Variants in DOCK9 observed in about 807,000 individuals in gnomAD.
The protein encoded by DOCK9 is dedicator of cytokinesis protein 9.
DOCK9 carries 89 observed loss-of-function variants against 263.3 expected under a neutral mutation model. That is an observed-to-expected ratio of 0.34 (90% CI 0.28 to 0.40). The LOEUF (loss-of-function observed/expected upper bound fraction) is 0.40. Among genes scored for constraint, DOCK9 ranks in the 10% least tolerant of loss-of-function variants. The pLI is 1.00. For missense variants in DOCK9, 2,140 were observed against 2,603.4 expected (o/e 0.82, Z 3.87); for synonymous variants, 976 against 973.1 (o/e 1.00, Z -0.06).
Position 98,902,964 on chromosome 13 carries a change from A to G in DOCK9, c.1176+8T>C. Reference sequence around the variant, plus strand: ...TTTTTAATGTTTATTTTTAAAATGAAAAATTACATTTGTAGTGGGTCCTTC... The same window carrying G: ...TTTTTAATGTTTATTTTTAAAATGAGAAATTACATTTGTAGTGGGTCCTTC... On this transcript the variant is annotated splice_region_variant and intron_variant, in intron 11 of 52. Transcript: ENST00000682017. The G allele has an allele frequency of 6.7e-7, 1 of 1,500,068 alleles. No homozygotes were observed. The highest frequency in any genetic ancestry group is 8.8e-7 in the Non-Finnish European group (1 of 1,130,172). 92.9% of individuals were successfully genotyped at this position (1,500,068 alleles called of 1,614,324 possible).
At chr13:98,876,553 A>C (rs1308738348) in intron 27 of DOCK9, among the ~76,000 whole-genome samples, 1 of 152,246 alleles carries the variant, frequency 6.6e-6, no homozygotes, top group Non-Finnish European at 1.5e-5. Context: ...ATGAGATCAA[A>C]GTTTTGGAAA....
intron 1 of DOCK9, among the ~76,000 whole-genome samples, chr13:99,063,304 C>T (rs2142308087): frequency 6.6e-6 from 1 of 151,656 alleles, no homozygotes; most frequent in South Asian, 2.1e-4. Context: ...GGTGACAGCC[C>T]TACGGCCCTA....
chr13:98,969,392 C>T (rs372317656), intron 1 of DOCK9, among the ~76,000 whole-genome samples: 1 of 151,948 alleles, frequency 6.6e-6, no homozygotes, highest in African/African-American at 2.4e-5. Context: ...TCCTGCAGGC[C>T]CTTTCGCAAC....
intron 34 of DOCK9, among the ~76,000 whole-genome samples, chr13:98,853,954 C>A (rs2093636871): frequency 6.6e-6 from 1 of 152,204 alleles, no homozygotes; most frequent in African/African-American, 2.4e-5. Flanking sequence ...ACAGCAAGTG[C>A]CTGTGGTGCT....
At chr13:98,936,435 C>T (rs1216120907) in intron 2 of DOCK9, among the ~76,000 whole-genome samples, 1 of 151,968 alleles carries the variant, frequency 6.6e-6, no homozygotes, top group African/African-American at 2.4e-5. Context: ...ACCTGGGCAA[C>T]ATAGCGTGAC....
chr13:99,070,908 A>G (rs2041639708), intron 1 of DOCK9, among the ~76,000 whole-genome samples: 1 of 152,240 alleles, frequency 6.6e-6, no homozygotes, highest in Admixed American at 6.5e-5. Flanking sequence ...AGAATCTGTA[A>G]GATCATAAAC....
chr13:98,902,626 C>G, intron 11 of DOCK9, 135 bp from the exon 12 acceptor site: 3 of 794,498 alleles, frequency 3.8e-6, no homozygotes, highest in Admixed American at 2.8e-5. Context: ...CATCCTTCTG[C>G]ATACAGAGAA....
At chr13:99,083,946 A>G (rs564416019) in intron 1 of DOCK9, among the ~76,000 whole-genome samples, 2 of 152,314 alleles carry the variant, frequency 1.3e-5, no homozygotes, top group East Asian at 3.9e-4. Context: ...TTTATTGAGC[A>G]TTTATGTTGT....
chr13:98,821,230 G>C (rs1484072540), intron 45 of DOCK9, among the ~76,000 whole-genome samples: 1 of 152,142 alleles, frequency 6.6e-6, no homozygotes, highest in Non-Finnish European at 1.5e-5. Flanking sequence ...GTTGAGTTTG[G>C]CCAAGGATAG....
chr13:98,996,752 T>C (rs1412836287), intron 1 of DOCK9, among the ~76,000 whole-genome samples: 1 of 152,250 alleles, frequency 6.6e-6, no homozygotes, highest in Non-Finnish European at 1.5e-5. Flanking sequence ...CAATTCTTCT[T>C]CTTCCAGTGT....
rs1488862140 is a variant in DOCK9, at chr13:98,968,837, T to C, written c.126+8947A>G. Among the ~76,000 whole-genome samples, 7 of 152,346 alleles carry C rather than the reference T, an allele frequency of 4.6e-5. No homozygotes were observed. In the South Asian group the frequency reaches 1.2e-3, roughly 27 times the overall value. On this transcript the variant is annotated intron_variant, in intron 1 of 52. Coordinates refer to ENST00000682017, the MANE Select transcript of DOCK9 (RefSeq NM_001366683.2). ...AAAGTTAGGTCTAGTCTTGGTTCTA[T>C]AAAGCAGCAGACCACATTCTCCAGT...
intron 48 of DOCK9, among the ~76,000 whole-genome samples, chr13:98,806,568 T>C (rs1436477506): frequency 6.6e-6 from 1 of 151,866 alleles, no homozygotes; most frequent in South Asian, 2.1e-4. Context: ...AAAAAACAGA[T>C]GGAAAAGTGC....
intron 50 of DOCK9, among the ~76,000 whole-genome samples, chr13:98,798,075 C>T (rs887799177): frequency 2.0e-5 from 3 of 152,144 alleles, no homozygotes; most frequent in Admixed American, 6.5e-5. Flanking sequence ...GGTGAGTGAA[C>T]CAGAACCCTG....
intron 9 of DOCK9, among the ~76,000 whole-genome samples, chr13:98,913,029 T>C (rs1566945660): frequency 6.6e-6 from 1 of 152,128 alleles, no homozygotes. Context: ...TGGTTTACAA[T>C]GGTGGCACTA....
chr13:98,870,727 G>GA (rs1052762977), intron 27 of DOCK9, among the ~76,000 whole-genome samples: 5 of 151,700 alleles, frequency 3.3e-5, no homozygotes, highest in Non-Finnish European at 5.9e-5. Context: ...ATCCTTGCCA[G>GA]AAAAAAAATC....
chr13:98,888,439 TGAGTGTGTTTTGGTA>T lies in DOCK9; in HGVS notation c.1883_1897del (p.Ile628_Gln633delinsLys). The stretch of plus-strand genomic sequence containing the variant: ...GTGATTGGTGTAGATGGTGTAAGGC[TGAGTGTGTTTTGGTA>T]TGCAGGGCACAAATTCCTCCACTTC... On this transcript the variant is annotated inframe_deletion, in exon 17 of 53. Transcript: ENST00000682017. 6.2e-7 allele frequency: 1 copy of T among 1,613,762 alleles called. No individual in the cohort carries two copies. Among genetic ancestry groups the T allele is most frequent in the Non-Finnish European group, 8.5e-7 (1 of 1,179,788 alleles).
At chr13:98,933,980 C>G (rs1268561574) in intron 2 of DOCK9, among the ~76,000 whole-genome samples, 1 of 152,006 alleles carries the variant, frequency 6.6e-6, no homozygotes, top group Non-Finnish European at 1.5e-5. Context: ...TCAGTGCAAC[C>G]TTGCCGTTCT....
At chr13:98,939,226 C>A (rs1351319908) in intron 2 of DOCK9, among the ~76,000 whole-genome samples, 1 of 152,224 alleles carries the variant, frequency 6.6e-6, no homozygotes, top group African/African-American at 2.4e-5. Flanking sequence ...ACCTAGGGAG[C>A]TGGAGGGTAA....
In DOCK9 at chr13:98,867,548, A is replaced by T; in HGVS notation, c.3175-12T>A. The T allele has an allele frequency of 6.6e-7, 1 of 1,509,822 alleles. No individual in the cohort carries two copies. Among genetic ancestry groups the T allele is most frequent in the Non-Finnish European group, 9.2e-7 (1 of 1,091,434 alleles). 93.5% of individuals were successfully genotyped at this position (1,509,822 alleles called of 1,614,324 possible). A position where few individuals can be genotyped will look rare whatever the true frequency, so the allele number is the denominator to read the frequency against. On this transcript the variant is annotated splice_polypyrimidine_tract_variant and intron_variant, in intron 29 of 52. Transcript: ENST00000682017. ...TATTCAAAGAGGGTCTGCAGGAAGAAGTGTGTAGTCATAAATACCTCACTG... is the reference window on the plus strand; with the variant it reads ...TATTCAAAGAGGGTCTGCAGGAAGATGTGTGTAGTCATAAATACCTCACTG...
Sources: allele counts gnomAD v4.1 joint callset (sites outside exome capture counted in the v4.1 genomes callset), GRCh38; gene constraint gnomAD v4.1.1; transcripts MANE v1.5; gene names NCBI Gene and HGNC (gene_info 2026-07-23, HGNC 2026-07-21).